The following DRC5 variants were observed in gnomAD, a reference collection of about 807,000 sequenced individuals.
DRC5 encodes the protein T-complex-associated testis-expressed protein 1.
At chr6:44,282,051 A>G in the DRC5 span, 2 of 1,502,202 alleles carry the variant, frequency 1.3e-6, no homozygotes, top group Admixed American at 3.8e-5. Context: ...TTATCCCACA[A>G]GTACCCCTGG....
the DRC5 span, among the ~76,000 whole-genome samples, chr6:44,290,407 G>A: frequency 1.3e-5 from 2 of 152,144 alleles, no homozygotes; most frequent in African/African-American, 2.4e-5. Context: ...GGAGAGTGAA[G>A]GTACTATGAG....
chr6:44,296,498 G>T, the DRC5 span, among the ~76,000 whole-genome samples: 2 of 152,172 alleles, frequency 1.3e-5, no homozygotes, highest in Admixed American at 6.5e-5. Context: ...CCTTCCTCAG[G>T]TCCCCAGCTA....
At chr6:44,296,776 T>C in the DRC5 span, among the ~76,000 whole-genome samples, 1 of 152,206 alleles carries the variant, frequency 6.6e-6, no homozygotes, top group African/African-American at 2.4e-5. Flanking sequence ...CCACCCCAGA[T>C]CCCCTCAGGA....
At chr6:44,287,529 T>G in the DRC5 span, 1 of 1,588,986 alleles carries the variant, frequency 6.3e-7, no homozygotes, top group South Asian at 1.1e-5. Flanking sequence ...CCTGCCCACC[T>G]AAAGCAGGGA....
At chr6:44,280,487 G>T in the DRC5 span, 2 of 866,174 alleles carry the variant, frequency 2.3e-6, no homozygotes, top group Non-Finnish European at 3.6e-6. Flanking sequence ...TAAAACAAAA[G>T]TTTCACAAAA....
the DRC5 span, chr6:44,287,932 A>AAG: frequency 7.0e-7 from 1 of 1,433,852 alleles, no homozygotes. Flanking sequence ...GAGCAAAAGG[A>AAG]AGAGGGTAGA....
chr6:44,296,918 T>C, the DRC5 span, among the ~76,000 whole-genome samples: 34 of 152,352 alleles, frequency 2.2e-4, no homozygotes, highest in African/African-American at 7.7e-4. Context: ...GGCAAAAAAC[T>C]TTCTCCAACT....
chr6:44,287,291 A>G, the DRC5 span: 1 of 955,260 alleles, frequency 1.0e-6, no homozygotes. Context: ...TGGAGAGAGT[A>G]GAAAAGGCAA....
the DRC5 span, chr6:44,287,426 C>T: frequency 3.7e-6 from 4 of 1,067,398 alleles, no homozygotes; most frequent in Admixed American, 5.3e-5. Flanking sequence ...TATGAGGATG[C>T]CATACGGGAG....
the DRC5 span, among the ~76,000 whole-genome samples, chr6:44,281,060 C>A: frequency 6.6e-6 from 1 of 152,032 alleles, no homozygotes; most frequent in African/African-American, 2.4e-5. Context: ...CGTGTGTGTG[C>A]GTGTATGTGC....
the DRC5 span, among the ~76,000 whole-genome samples, chr6:44,291,959 C>A: frequency 3.3e-5 from 5 of 151,594 alleles, no homozygotes; most frequent in African/African-American, 1.2e-4. Context: ...CCCACCCAGG[C>A]AGCCTCTCCT....
the DRC5 span, chr6:44,280,452 C>G: frequency 7.9e-7 from 1 of 1,273,702 alleles, no homozygotes; most frequent in Non-Finnish European, 1.1e-6. Flanking sequence ...GACACACATA[C>G]TACACATTTT....
the DRC5 span, chr6:44,279,723 A>T: frequency 6.4e-6 from 1 of 157,204 alleles, no homozygotes; most frequent in Non-Finnish European, 1.4e-5. Context: ...AGAGAGAGCC[A>T]GGCATAGCCC....
chr6:44,286,117 G>T, the DRC5 span: 2 of 1,614,026 alleles, frequency 1.2e-6, no homozygotes, highest in Non-Finnish European at 8.5e-7. Flanking sequence ...CTACCAGATC[G>T]CCCAGTTGGT....
chr6:44,288,348 T>TC, the DRC5 span, among the ~76,000 whole-genome samples: 11 of 152,290 alleles, frequency 7.2e-5, no homozygotes, highest in Non-Finnish European at 1.3e-4. Context: ...CTTGTATTAT[T>TC]CCCATTTTTC....
chr6:44,279,075 C>T, the DRC5 span: 1 of 152,440 alleles, frequency 6.6e-6, no homozygotes, highest in East Asian at 1.9e-4. Flanking sequence ...GGGGTTGTAG[C>T]CCATGACCTG....
chr6:44,291,393 A>G, the DRC5 span, among the ~76,000 whole-genome samples: 1 of 152,234 alleles, frequency 6.6e-6, no homozygotes, highest in East Asian at 1.9e-4. Flanking sequence ...CAACATAGAA[A>G]ACAAAGTATA....
At chr6:44,279,353 T>C in the DRC5 span, 1 of 152,276 alleles carries the variant, frequency 6.6e-6, no homozygotes, top group African/African-American at 2.4e-5. Context: ...GTCAATTGGG[T>C]GCATCACACT....
the DRC5 span, among the ~76,000 whole-genome samples, chr6:44,296,470 G>A: frequency 1.3e-5 from 2 of 152,234 alleles, no homozygotes; most frequent in African/African-American, 2.4e-5. Flanking sequence ...TCCACAGGAA[G>A]TCTCAGGTCT....
Sources: allele counts gnomAD v4.1 joint callset (sites outside exome capture counted in the v4.1 genomes callset), GRCh38; gene constraint gnomAD v4.1.1; transcripts MANE v1.5; gene names NCBI Gene and HGNC (gene_info 2026-07-23, HGNC 2026-07-21).